The following BBX variants were observed in gnomAD, a reference collection of about 807,000 sequenced individuals.
BBX encodes the protein HMG box transcription factor BBX.
Under a neutral mutation model 100.2 loss-of-function variants are expected in BBX, and 30 were observed. The observed-to-expected ratio is 0.30, with a 90% CI of 0.22 to 0.41. The LOEUF is 0.41. BBX is among the 10% of genes least tolerant of loss of function. The pLI is 1.00. For missense variants in BBX, 1,023 were observed against 1,129.8 expected, an observed-to-expected ratio of 0.91 and a Z score of 1.35; for synonymous variants, 376 against 388.1, an observed-to-expected ratio of 0.97 and a Z score of 0.37.
At chr3:107,679,771 A>C (rs2059477846) in intron 3 of BBX, among the ~76,000 whole-genome samples, 1 of 152,180 alleles carries the variant, frequency 6.6e-6, no homozygotes, top group Admixed American at 6.6e-5. Context: ...TTTATAAAAA[A>C]GCCCCTCTCA....
chr3:107,799,212 A>G (rs1037666677), intron 16 of BBX, among the ~76,000 whole-genome samples: 3 of 152,074 alleles, frequency 2.0e-5, no homozygotes, highest in African/African-American at 7.2e-5. Context: ...AAGTTTACGA[A>G]TTTGTGTTGG....
chr3:107,678,362 A>C (rs1013844666), intron 3 of BBX, among the ~76,000 whole-genome samples: 2 of 152,108 alleles, frequency 1.3e-5, no homozygotes, highest in African/African-American at 4.8e-5. Context: ...TCTGGTTAAT[A>C]GTAGGTTCTC....
chr3:107,689,898 C>T (rs1171381917), intron 3 of BBX, among the ~76,000 whole-genome samples: 1 of 152,092 alleles, frequency 6.6e-6, no homozygotes, highest in Non-Finnish European at 1.5e-5. Flanking sequence ...TTCTTAATGA[C>T]ATTATAAAGA....
chr3:107,717,556 A>G (rs2062193754), intron 5 of BBX, among the ~76,000 whole-genome samples: 1 of 152,156 alleles, frequency 6.6e-6, no homozygotes, highest in Non-Finnish European at 1.5e-5. Context: ...ATGATTGAAT[A>G]CCAGTGGAAC....
intron 2 of BBX, among the ~76,000 whole-genome samples, chr3:107,594,734 TATA>T (rs1360180286): frequency 2.0e-5 from 3 of 152,306 alleles, no homozygotes; most frequent in Middle Eastern, 3.4e-3. Context: ...ACACATGTCA[TATA>T]ATAATAGCTT....
intron 7 of BBX, among the ~76,000 whole-genome samples, chr3:107,736,183 A>G (rs1182473444): frequency 6.6e-6 from 1 of 152,038 alleles, no homozygotes; most frequent in African/African-American, 2.4e-5. Context: ...CCCTACTGAG[A>G]CCCTGTAAAA....
At chr3:107,661,417 A>G (rs915967360) in intron 3 of BBX, among the ~76,000 whole-genome samples, 22 of 152,078 alleles carry the variant, frequency 1.4e-4, no homozygotes, top group Non-Finnish European at 3.2e-4. Context: ...TCATTTTCTA[A>G]ACTGGGAAAA....
chr3:107,794,989 T>G, intron 15 of BBX, among the ~76,000 whole-genome samples: 1 of 152,236 alleles, frequency 6.6e-6, no homozygotes, highest in Non-Finnish European at 1.5e-5. Context: ...GTTATGGTTA[T>G]TGTTTGGGTG....
intron 3 of BBX, among the ~76,000 whole-genome samples, chr3:107,663,277 CTG>C (rs2058558067): frequency 6.6e-6 from 1 of 152,138 alleles, no homozygotes; most frequent in Non-Finnish European, 1.5e-5. Context: ...CTACCATTGT[CTG>C]TGTTTATAAT....
chr3:107,691,424 A>G (rs2060164306), intron 3 of BBX, among the ~76,000 whole-genome samples: 1 of 152,192 alleles, frequency 6.6e-6, no homozygotes, highest in Non-Finnish European at 1.5e-5. Context: ...TAACACCTGA[A>G]AGAAATATAA....
At chr3:107,745,578 C>G (rs539082751) in intron 8 of BBX, among the ~76,000 whole-genome samples, 1 of 152,182 alleles carries the variant, frequency 6.6e-6, no homozygotes, top group East Asian at 1.9e-4. Context: ...CCGCTTGTCT[C>G]AGCCTCCTGA....
chr3:107,551,812 G>A (rs2049706179), intron 2 of BBX, among the ~76,000 whole-genome samples: 1 of 152,198 alleles, frequency 6.6e-6, no homozygotes, highest in Non-Finnish European at 1.5e-5. Flanking sequence ...GCCACATGGG[G>A]AAGAGCTGCT....
intron 9 of BBX, among the ~76,000 whole-genome samples, chr3:107,752,035 C>A (rs1168193595): frequency 6.6e-6 from 1 of 152,182 alleles, no homozygotes; most frequent in East Asian, 1.9e-4. Flanking sequence ...AAAGCCATGA[C>A]CAATCCACAT....
intron 6 of BBX, 39 bp downstream of exon 6, chr3:107,728,999 A>G: frequency 1.9e-6 from 3 of 1,582,612 alleles, no homozygotes; most frequent in Admixed American, 3.6e-5. Context: ...CTTTAAGGAC[A>G]GGGCAATACA....
intron 2 of BBX, among the ~76,000 whole-genome samples, chr3:107,572,207 G>A (rs533753656): frequency 6.6e-6 from 1 of 152,078 alleles, no homozygotes; most frequent in Non-Finnish European, 1.5e-5. Context: ...TGACCACATC[G>A]GACACTCATT....
chr3:107,754,523 A>C (rs774277892), intron 9 of BBX, among the ~76,000 whole-genome samples: 6 of 152,192 alleles, frequency 3.9e-5, no homozygotes, highest in Non-Finnish European at 7.4e-5. Context: ...TAGGTAGGCC[A>C]TTATTAAATA....
At chr3:107,703,805 G>A (rs189292541) in intron 3 of BBX, among the ~76,000 whole-genome samples, 2 of 152,234 alleles carry the variant, frequency 1.3e-5, no homozygotes, top group East Asian at 3.9e-4. Flanking sequence ...GCACTTGTAG[G>A]GCTTTTATCT....
intron 4 of BBX, among the ~76,000 whole-genome samples, chr3:107,712,084 C>T (rs1273065319): frequency 6.6e-6 from 1 of 152,112 alleles, no homozygotes; most frequent in African/African-American, 2.4e-5. Flanking sequence ...ACTATGTTGC[C>T]CAGGCTGGTC....
chr3:107,789,464 T>C (rs1453098777), intron 13 of BBX, among the ~76,000 whole-genome samples: 1 of 152,218 alleles, frequency 6.6e-6, no homozygotes, highest in African/African-American at 2.4e-5. Context: ...GTAAAATCTT[T>C]TCTCTATTAC....
Sources: gnomAD v4.1 joint callset for allele counts (sites outside exome capture counted in the v4.1 genomes callset) on GRCh38, gnomAD v4.1.1 for gene constraint, MANE v1.5 for transcripts, NCBI Gene and HGNC (gene_info 2026-07-23, HGNC 2026-07-21) for gene names.